Variants in CDH11 observed in about 807,000 individuals in gnomAD.
CDH11 encodes the protein cadherin-11.
In CDH11, 11 loss-of-function variants were observed where a neutral mutation model predicts 67.8. The observed-to-expected ratio is 0.16, with a 90% CI of 0.10 to 0.27. The LOEUF (loss-of-function observed/expected upper bound fraction) is 0.27. Among genes scored for constraint, CDH11 ranks in the 10% least tolerant of loss-of-function variants. The probability of loss-of-function intolerance (pLI) is 1.00; values close to 1 mark genes in which losing one functional copy is unlikely to be tolerated. For synonymous variants in CDH11, 419 were observed against 400.0 expected (o/e 1.05, Z -0.57); for missense variants, 847 against 1,031.2 (o/e 0.82, Z 2.45).
chr16:64,945,501 TC>T lies in CDH11; in HGVS notation c.*2101del. 1 of 1,033,706 alleles carries T rather than the reference TC, an allele frequency of 9.7e-7. No homozygotes were observed. The highest frequency in any genetic ancestry group is 1.2e-6 in the Non-Finnish European group (1 of 858,856). 64.0% of individuals were successfully genotyped at this position (1,033,706 alleles called of 1,614,324 possible). On this transcript the variant is annotated 3_prime_UTR_variant, in exon 13 of 13. Coordinates refer to ENST00000268603, the MANE Select transcript of CDH11 (RefSeq NM_001797.4). ...ATACTTATTTAAATGCTATTCATATTCCTTTTGAGTTATTTCTTCATTGCAA... is the reference window on the plus strand; with the variant it reads ...ATACTTATTTAAATGCTATTCATATTCTTTTGAGTTATTTCTTCATTGCAA...
At chr16:64,994,352 A>G (rs1167283866) in intron 4 of CDH11, among the ~76,000 whole-genome samples, 1 of 152,238 alleles carries the variant, frequency 6.6e-6, no homozygotes, top group Non-Finnish European at 1.5e-5. Flanking sequence ...TACATCCTTT[A>G]CAATGGTTTT....
At chr16:65,073,603 T>C (rs1249623414) in intron 1 of CDH11, among the ~76,000 whole-genome samples, 1 of 152,176 alleles carries the variant, frequency 6.6e-6, no homozygotes, top group African/African-American at 2.4e-5. Flanking sequence ...AATATATTGC[T>C]TTTGTTGATT....
intron 3 of CDH11, among the ~76,000 whole-genome samples, chr16:65,001,343 C>T (rs556942278): frequency 3.9e-5 from 6 of 152,288 alleles, no homozygotes; most frequent in South Asian, 2.1e-4. Flanking sequence ...TGGCCTATGA[C>T]GGATGAACAG....
chr16:65,089,917 C>T (rs1197226955), intron 1 of CDH11, among the ~76,000 whole-genome samples: 1 of 151,934 alleles, frequency 6.6e-6, no homozygotes, highest in African/African-American at 2.4e-5. Flanking sequence ...TATTTATTTT[C>T]AATAATAATA....
intron 2 of CDH11, among the ~76,000 whole-genome samples, chr16:65,043,842 G>A (rs1201901183): frequency 1.3e-5 from 2 of 152,074 alleles, no homozygotes; most frequent in African/African-American, 4.8e-5. Context: ...TGGGGGGAGG[G>A]GAGGAGTAGA....
chr16:65,001,412 C>T (rs1276282040), intron 3 of CDH11, among the ~76,000 whole-genome samples: 22 of 152,202 alleles, frequency 1.4e-4, no homozygotes, highest in Admixed American at 1.4e-3. Flanking sequence ...TTCTGCCCCA[C>T]ACCGCCATCT....
At chr16:65,081,369 C>A (rs2043357377) in intron 1 of CDH11, among the ~76,000 whole-genome samples, 1 of 152,070 alleles carries the variant, frequency 6.6e-6, no homozygotes, top group Non-Finnish European at 1.5e-5. Context: ...GAGATCGAGA[C>A]CATCCTGGCT....
At chr16:64,953,573 A>T (rs2071422456) in intron 11 of CDH11, among the ~76,000 whole-genome samples, 1 of 152,178 alleles carries the variant, frequency 6.6e-6, no homozygotes, top group Non-Finnish European at 1.5e-5. Context: ...AAAAAAATAA[A>T]AGTAAGCTAG....
Position 64,953,009 on chromosome 16 carries a change from C to A in CDH11, c.1643-1991G>T, listed in dbSNP as rs1597008003. On this transcript the variant is annotated intron_variant, in intron 11 of 12. Coordinates refer to ENST00000268603, the MANE Select transcript of CDH11 (RefSeq NM_001797.4). ...GCACAGTCTTTGCATATAACCTACA[C>A]ACATTCTCCCATATGTGTTAAATGA... Among the ~76,000 whole-genome samples the A allele has an allele frequency of 2.0e-5, 3 of 152,118 alleles. No individual in the cohort carries two copies. The East Asian group carries it at 5.8e-4, about 29-fold the overall frequency.
upstream of CDH11, among the ~76,000 whole-genome samples, chr16:65,123,507 G>GGGGAAGGAACCCCAGT (rs2075370185): frequency 6.6e-6 from 1 of 152,092 alleles, no homozygotes; most frequent in East Asian, 2.0e-4. Flanking sequence ...CTGAGCGCAT[G>GGGGAAGGAACCCCAGT]GGGAAGGAAC....
chr16:65,096,521 G>T (rs1454616337), intron 1 of CDH11, among the ~76,000 whole-genome samples: 2 of 147,074 alleles, frequency 1.4e-5, no homozygotes, highest in Non-Finnish European at 3.0e-5. Context: ...ATGCATATTT[G>T]TACATATATG....
intron 1 of CDH11, among the ~76,000 whole-genome samples, chr16:65,106,330 T>C (rs1001490819): frequency 6.6e-6 from 1 of 152,094 alleles, no homozygotes; most frequent in African/African-American, 2.4e-5. Flanking sequence ...CAGATGAAAA[T>C]GTTACACAAA....
Position 64,946,289 on chromosome 16 carries a change from A to T in CDH11, c.*1314T>A. On this transcript the variant is annotated 3_prime_UTR_variant, in exon 13 of 13. Coordinates refer to ENST00000268603, the MANE Select transcript of CDH11 (RefSeq NM_001797.4). ...GCCTGGTAAGTTCAACAGAAGAAAA[A>T]ATAGAATAACATTAGAGTCTGGGCA... 9.6e-7 allele frequency: 1 copy of T among 1,046,130 alleles called. No individual in the cohort carries two copies. Among genetic ancestry groups the T allele is most frequent in the Non-Finnish European group, 1.2e-6 (1 of 867,130 alleles). 64.8% of individuals were successfully genotyped at this position (1,046,130 alleles called of 1,614,324 possible).
At chr16:65,010,304 T>C (rs975824211) in intron 2 of CDH11, among the ~76,000 whole-genome samples, 2 of 152,184 alleles carry the variant, frequency 1.3e-5, no homozygotes, top group Admixed American at 6.5e-5. Context: ...AATCCAATTC[T>C]ATTATGCAAA....
chr16:65,048,420 A>G (rs761587341), intron 2 of CDH11, among the ~76,000 whole-genome samples: 1 of 152,216 alleles, frequency 6.6e-6, no homozygotes, highest in Non-Finnish European at 1.5e-5. Context: ...AGAAATCATT[A>G]TATCAAAACG....
At chr16:65,099,734 C>T (rs1474543506) in intron 1 of CDH11, among the ~76,000 whole-genome samples, 6 of 152,066 alleles carry the variant, frequency 3.9e-5, no homozygotes, top group Admixed American at 2.0e-4. Context: ...TATTTAAGTC[C>T]TTCATCCAGT....
intron 2 of CDH11, among the ~76,000 whole-genome samples, chr16:65,034,042 G>T (rs2073702251): frequency 6.6e-6 from 1 of 152,170 alleles, no homozygotes; most frequent in South Asian, 2.1e-4. Flanking sequence ...CCAAAAAGAT[G>T]TTGAAGCCCT....
chr16:65,108,386 C>T (rs2075101635), intron 1 of CDH11, among the ~76,000 whole-genome samples: 1 of 152,168 alleles, frequency 6.6e-6, no homozygotes, highest in African/African-American at 2.4e-5. Context: ...GCTCTAACTA[C>T]TAAATTGCAA....
In CDH11 at chr16:64,944,251, GA is replaced by G; in HGVS notation, c.*3351del. 1 of 233,538 alleles carries G rather than the reference GA, an allele frequency of 4.3e-6. No homozygotes were observed. Among genetic ancestry groups the G allele is most frequent in the Non-Finnish European group, 8.5e-6 (1 of 118,290 alleles). The allele number at this position is 233,538 out of a possible 1,614,324, so 14.5% of individuals were successfully genotyped here. On this transcript the variant is annotated 3_prime_UTR_variant, in exon 13 of 13. Transcript: ENST00000268603. Reference sequence around the variant, plus strand: ...TTTGTGAAGAGGAGGTTGGGAGGCAGAGGGTGAGCCAAGAGGTGGGGTCAGT... The same window carrying G: ...TTTGTGAAGAGGAGGTTGGGAGGCAGGGGTGAGCCAAGAGGTGGGGTCAGT...
Sources: gnomAD v4.1 joint callset for allele counts (sites outside exome capture counted in the v4.1 genomes callset) on GRCh38, gnomAD v4.1.1 for gene constraint, MANE v1.5 for transcripts, NCBI Gene and HGNC (gene_info 2026-07-23, HGNC 2026-07-21) for gene names.